Variants in KANSL1 observed in about 807,000 individuals in gnomAD.
The protein encoded by KANSL1 is MLL1/MLL complex subunit KANSL1.
A neutral mutation model predicts 103.6 loss-of-function variants in KANSL1; 22 were observed. The ratio of observed to expected loss-of-function variants is 0.21; its 90% CI spans 0.15 to 0.30. KANSL1 has a LOEUF of 0.30. KANSL1 is among the 10% of genes least tolerant of loss of function. KANSL1 has a pLI of 1.00. For missense variants in KANSL1, 1,337 were observed against 1,399.8 expected (o/e 0.96, Z 0.72); for synonymous variants, 600 against 527.6 (o/e 1.14, Z -1.88).
chr17:46,176,280 G>C (rs1341326695), intron 1 of KANSL1, among the ~76,000 whole-genome samples: 4 of 152,210 alleles, frequency 2.6e-5, no homozygotes, highest in African/African-American at 9.7e-5. Context: ...ATGAAAAAGA[G>C]GGTCATAATT....
intron 6 of KANSL1, among the ~76,000 whole-genome samples, 159 bp downstream of exon 6, chr17:46,066,378 C>A (rs921596240): frequency 6.6e-6 from 1 of 152,192 alleles, no homozygotes; most frequent in African/African-American, 2.4e-5. Flanking sequence ...ACATCCAACT[C>A]CAGAGCAAAC....
chr17:46,186,042 TG>T (rs2047016359), intron 1 of KANSL1, among the ~76,000 whole-genome samples: 1 of 152,214 alleles, frequency 6.6e-6, no homozygotes, highest in African/African-American at 2.4e-5. Flanking sequence ...TAAGTGCTCC[TG>T]AACAATCCTA....
At chr17:46,105,471 G>A (rs540957321) in intron 2 of KANSL1, among the ~76,000 whole-genome samples, 2 of 146,846 alleles carry the variant, frequency 1.4e-5, no homozygotes, top group East Asian at 3.9e-4. Flanking sequence ...ACGAAAATTA[G>A]TAGGGAATGT....
intron 2 of KANSL1, among the ~76,000 whole-genome samples, chr17:46,104,584 A>T (rs1472610201): frequency 1.3e-5 from 2 of 152,250 alleles, no homozygotes; most frequent in Non-Finnish European, 2.9e-5. Context: ...GTAGTTTACA[A>T]GTAAATTTGC....
At chr17:46,184,522 G>T (rs1366720294) in intron 1 of KANSL1, among the ~76,000 whole-genome samples, 4 of 152,182 alleles carry the variant, frequency 2.6e-5, no homozygotes. Context: ...CTAGAGTAAG[G>T]ATGAGTCCAA....
At chr17:46,078,131 AGTTTTG>A (rs893547238) in intron 4 of KANSL1, among the ~76,000 whole-genome samples, 1 of 152,116 alleles carries the variant, frequency 6.6e-6, no homozygotes, top group African/African-American at 2.4e-5. Context: ...TTGTGGAGCT[AGTTTTG>A]TTTTTATAAA....
intron 1 of KANSL1, among the ~76,000 whole-genome samples, chr17:46,208,852 C>CAA (rs35006267): frequency 5.9e-5 from 6 of 102,008 alleles, no homozygotes; most frequent in East Asian, 3.5e-4. Flanking sequence ...GACTCCGTCT[C>CAA]AAAAAAAAAA....
chr17:46,125,679 A>C (rs773857424), intron 2 of KANSL1, among the ~76,000 whole-genome samples: 4 of 152,248 alleles, frequency 2.6e-5, no homozygotes, highest in Non-Finnish European at 4.4e-5. Flanking sequence ...TAAAATGGGC[A>C]GAATAAGGAC....
At chr17:46,208,181 A>T (rs1427548348) in intron 1 of KANSL1, among the ~76,000 whole-genome samples, 2 of 152,214 alleles carry the variant, frequency 1.3e-5, no homozygotes, top group African/African-American at 4.8e-5. Flanking sequence ...CTAAAGAAAT[A>T]ATCTACTTCT....
Position 46,094,760 on chromosome 17 carries a change from G to T in KANSL1, c.1290-59C>A, listed in dbSNP as rs1469648951. On this transcript the variant is annotated intron_variant, in intron 2 of 14. Transcript: ENST00000432791. ...TAGCAGTAATATCTATACCAGATTGGGGGGTGGGGAGTGGAATTTAACTTT... is the reference window on the plus strand; with the variant it reads ...TAGCAGTAATATCTATACCAGATTGTGGGGTGGGGAGTGGAATTTAACTTT... 34 of 1,598,690 alleles carry T rather than the reference G, an allele frequency of 2.1e-5. No homozygotes were observed. The East Asian group carries it at 7.4e-4, about 35-fold the overall frequency.
chr17:46,062,944 G>A (rs1400027759), intron 6 of KANSL1, among the ~76,000 whole-genome samples: 2 of 152,136 alleles, frequency 1.3e-5, no homozygotes, highest in Non-Finnish European at 2.9e-5. Context: ...CAGCTACTCG[G>A]GAGAATGAGG....
At chr17:46,223,943 AG>A (rs1214202168), upstream of KANSL1, 82 of 151,364 alleles carry the variant, frequency 5.4e-4, no homozygotes, top group African/African-American at 1.9e-3. Flanking sequence ...CCTTTAGAAA[AG>A]GGCAAATGTG....
At chr17:46,117,682 A>G (rs2043104050) in intron 2 of KANSL1, among the ~76,000 whole-genome samples, 1 of 152,238 alleles carries the variant, frequency 6.6e-6, no homozygotes, top group East Asian at 1.9e-4. Flanking sequence ...GGATCTGACT[A>G]AAGAAATTTA....
intron 2 of KANSL1, among the ~76,000 whole-genome samples, chr17:46,161,145 T>C (rs2045713315): frequency 6.7e-6 from 1 of 149,342 alleles, no homozygotes; most frequent in Admixed American, 6.7e-5. Context: ...CAGGGCACAG[T>C]GGCTCACACC....
chr17:46,225,149 C>G (rs2048646989), upstream of KANSL1, among the ~76,000 whole-genome samples: 1 of 152,022 alleles, frequency 6.6e-6, no homozygotes, highest in South Asian at 2.1e-4. Context: ...TCTCCCCCAG[C>G]CCCGCCGCTT....
chr17:46,034,336 A>G, intron 10 of KANSL1, 51 bp from the exon 11 acceptor site: 1 of 1,598,684 alleles, frequency 6.3e-7, no homozygotes, highest in South Asian at 1.1e-5. Context: ...TACAGACATC[A>G]AATCATTCAT....
intron 1 of KANSL1, among the ~76,000 whole-genome samples, chr17:46,204,687 A>T (rs2147994689): frequency 1.3e-5 from 2 of 152,368 alleles, no homozygotes; most frequent in Middle Eastern, 6.8e-3. Context: ...ATGAATACAG[A>T]TGTAAAAGTC....
At chr17:46,138,536 T>A (rs560272303) in intron 2 of KANSL1, among the ~76,000 whole-genome samples, 7 of 152,312 alleles carry the variant, frequency 4.6e-5, no homozygotes, top group Admixed American at 4.6e-4. Context: ...TCCACGGAAG[T>A]TCGTGGAACA....
At chr17:46,077,469 A>G (rs569835170) in intron 4 of KANSL1, among the ~76,000 whole-genome samples, 14 of 152,346 alleles carry the variant, frequency 9.2e-5, no homozygotes, top group African/African-American at 3.1e-4. Context: ...ACAGCATCAC[A>G]GCTCAGGAAT....
Sources: gnomAD v4.1 joint callset for allele counts (sites outside exome capture counted in the v4.1 genomes callset) on GRCh38, gnomAD v4.1.1 for gene constraint, MANE v1.5 for transcripts, NCBI Gene and HGNC (gene_info 2026-07-23, HGNC 2026-07-21) for gene names.